Variants in ISG20L2 observed in about 807,000 individuals in gnomAD.
The protein encoded by ISG20L2 is interferon-stimulated 20 kDa exonuclease-like 2.
A neutral mutation model predicts 27.8 loss-of-function variants in ISG20L2; 14 were observed. The ratio of observed to expected loss-of-function variants is 0.50; its 90% CI spans 0.33 to 0.79. The LOEUF is 0.79. Ranked by LOEUF, ISG20L2 falls within the 30% of genes least tolerant of loss-of-function variation. The pLI is 0.02. For synonymous variants in ISG20L2, 157 were observed against 165.7 expected (o/e 0.95, Z 0.40); for missense variants, 393 against 435.1 (o/e 0.90, Z 0.86).
In ISG20L2 at chr1:156,723,187, T is replaced by G; in HGVS notation, c.*162A>C. 1 of 839,704 alleles carries G rather than the reference T, an allele frequency of 1.2e-6. No homozygotes were observed. Among genetic ancestry groups the G allele is most frequent in the South Asian group, 1.7e-5 (1 of 60,240 alleles). The allele number at this position is 839,704 out of a possible 1,614,324, so 52.0% of individuals were successfully genotyped here. On this transcript the variant is annotated 3_prime_UTR_variant, in exon 4 of 4. Transcript: ENST00000368219. ...TTAACCAGACACAGGACACAACACC[T>G]GAGGTGAAATTTCAATGGGTATTAA...
In ISG20L2 at chr1:156,727,696, T is replaced by C. The variant is rs771294160; in HGVS notation, c.-44A>G. On this transcript the variant is annotated 5_prime_UTR_variant, in exon 2 of 4. Coordinates refer to ENST00000368219, the MANE Select transcript of ISG20L2 (RefSeq NM_001370150.2). ...AAGAGTAGTTGGGAAGAGTGGCTTA[T>C]GGATGAAAAGAGGATGTGGGACTCA... 6.3e-7 allele frequency: 1 copy of C among 1,578,794 alleles called. No individual in the cohort carries two copies. The highest frequency in any genetic ancestry group is 2.2e-5 in the East Asian group (1 of 44,684).
intron 2 of ISG20L2, chr1:156,726,005 C>T: frequency 1.0e-6 from 1 of 985,562 alleles, no homozygotes; most frequent in Non-Finnish European, 1.2e-6. Context: ...GTCTCTTGCT[C>T]TCCCTTCACT....
chr1:156,727,593 T>G lies in ISG20L2; in HGVS notation c.60A>C (p.Glu20Asp), dbSNP rs1241590114. The change falls in exon 2 of 4, where the codon GAA (glutamate) becomes GAC (aspartate). Residue 20 changes from glutamate (E) to aspartate (D), a missense_variant. Physicochemically the swap from Glu to Asp is conservative, Grantham distance 45. This residue lies in a region of ISG20L2 where 183 missense variants were observed against 168.2 expected (regional missense o/e 1.09). Coordinates refer to ENST00000368219, the MANE Select transcript of ISG20L2 (RefSeq NM_001370150.2). ...CAAAATTTCGGTGCTTGGCATTTCC[T>G]TCTAATGCCTTTTTGGGAGGAGGTT... is the stretch of plus-strand genomic sequence containing the variant. ...FGEPPPKKAL[E>D]GNAKHRNFVK... 2 of 1,614,176 alleles carry G rather than the reference T, an allele frequency of 1.2e-6. No homozygotes were observed. The highest frequency in any genetic ancestry group is 1.7e-6 in the Non-Finnish European group (2 of 1,180,000).
intron 2 of ISG20L2, 111 bp downstream of exon 2, chr1:156,726,791 TCCTC>T: frequency 1.3e-6 from 2 of 1,494,696 alleles, no homozygotes; most frequent in Non-Finnish European, 1.8e-6. Flanking sequence ...TGATAGATTC[TCCTC>T]CCTCCCTCCA....
chr1:156,728,667 C>T lies in ISG20L2; in HGVS notation c.-370G>A, dbSNP rs1055658956. Reference sequence around the variant, plus strand: ...GATGCGCTCCCCGGCCCCTCTAGCCCCGTGGTGGTACAACGCGAAGGTGTG... The same window carrying T: ...GATGCGCTCCCCGGCCCCTCTAGCCTCGTGGTGGTACAACGCGAAGGTGTG... On this transcript the variant is annotated 5_prime_UTR_variant, in exon 1 of 4. Transcript: ENST00000368219. 30 of 987,560 alleles carry T rather than the reference C, an allele frequency of 3.0e-5. No homozygotes were observed. The highest frequency in any genetic ancestry group is 5.2e-5 in the African/African-American group (3 of 57,274). The allele number at this position is 987,560 out of a possible 1,614,324, so 61.2% of individuals were successfully genotyped here.
intron 2 of ISG20L2, chr1:156,724,577 T>C: frequency 7.6e-7 from 1 of 1,316,572 alleles, no homozygotes; most frequent in Non-Finnish European, 9.7e-7. Flanking sequence ...TGCCAGTGGC[T>C]CCTTACCTTC....
At chr1:156,726,375 C>T in intron 2 of ISG20L2, 2 of 985,410 alleles carry the variant, frequency 2.0e-6, no homozygotes, top group South Asian at 9.4e-5. Flanking sequence ...TGTTATTTTT[C>T]TATGCAGATT....
intron 1 of ISG20L2, 29 bp downstream of exon 1, chr1:156,728,385 CA>C: frequency 1.0e-6 from 1 of 985,676 alleles, no homozygotes; most frequent in Non-Finnish European, 1.2e-6. Context: ...CCCCGCGGTA[CA>C]GATCGATCTC....
chr1:156,727,639 A>C lies in ISG20L2; in HGVS notation c.14T>G (p.Leu5Arg), dbSNP rs1648854692. 1.2e-6 allele frequency: 2 copies of C among 1,612,874 alleles called. No homozygotes were observed. The highest frequency in any genetic ancestry group is 1.1e-5 in the South Asian group (1 of 91,084). The change falls in exon 2 of 4, where the codon CTG becomes CGG. Residue 5 changes from leucine (L) to arginine (R), a missense_variant. Leu to Arg is a moderately radical substitution (Grantham distance 102). Transcript: ENST00000368219. ...AGGTTCCCCAAAATCCAGATTGAGC[A>C]GTAAAGTAGACATAGGGACAATGGA... The part of the protein sequence containing the change: MSTL[L>R]LNLDFGEPPP...
At chr1:156,726,841 C>T in intron 2 of ISG20L2, 65 bp downstream of exon 2, 2 of 1,550,350 alleles carry the variant, frequency 1.3e-6, no homozygotes, top group Non-Finnish European at 1.7e-6. Flanking sequence ...ATATCCTTTG[C>T]TGAAAAATGA....
chr1:156,723,976 T>G, intron 3 of ISG20L2, 172 bp downstream of exon 3: 1 of 1,175,804 alleles, frequency 8.5e-7, no homozygotes, highest in Non-Finnish European at 1.2e-6. Flanking sequence ...CTTTGAAACA[T>G]TCTATGAGGT....
At chr1:156,726,733 C>A (rs1326070635) in intron 2 of ISG20L2, 173 bp downstream of exon 2, 1 of 985,314 alleles carries the variant, frequency 1.0e-6, no homozygotes, top group African/African-American at 1.7e-5. Context: ...ATTGTACCTT[C>A]CTGACTTTCA....
chr1:156,728,650 C>T lies in ISG20L2; in HGVS notation c.-353G>A, dbSNP rs12752666. 3 of 985,722 alleles carry T rather than the reference C, an allele frequency of 3.0e-6. No individual in the cohort carries two copies. The highest frequency in any genetic ancestry group is 2.3e-4 in the East Asian group (2 of 8,814). 61.1% of individuals were successfully genotyped at this position (985,722 alleles called of 1,614,324 possible). A position where few individuals can be genotyped will look rare whatever the true frequency, so the allele number is the denominator to read the frequency against. On this transcript the variant is annotated 5_prime_UTR_variant, in exon 1 of 4. Coordinates refer to ENST00000368219, the MANE Select transcript of ISG20L2 (RefSeq NM_001370150.2). ...GGTGGGGGCGGGGGCGGGATGCGCTCCCCGGCCCCTCTAGCCCCGTGGTGG... is the reference window on the plus strand; with the variant it reads ...GGTGGGGGCGGGGGCGGGATGCGCTTCCCGGCCCCTCTAGCCCCGTGGTGG...
chr1:156,727,784 G>C lies in ISG20L2; in HGVS notation c.-117-15C>G, dbSNP rs1421275608. 6.7e-7 allele frequency: 1 copy of C among 1,486,688 alleles called. No individual in the cohort carries two copies. Among genetic ancestry groups the C allele is most frequent in the Non-Finnish European group, 8.9e-7 (1 of 1,127,854 alleles). 92.1% of individuals were successfully genotyped at this position (1,486,688 alleles called of 1,614,324 possible). A position where few individuals can be genotyped will look rare whatever the true frequency, so the allele number is the denominator to read the frequency against. ...TGTAGTACACCCTGGGGAAGAAAGT[G>C]ATCCTGGTAATTGAGCTCCTAGGCC... is the stretch of plus-strand genomic sequence containing the variant. On this transcript the variant is annotated splice_polypyrimidine_tract_variant and intron_variant, in intron 1 of 3. Transcript: ENST00000368219.
chr1:156,727,007 T>A lies in ISG20L2; in HGVS notation c.646A>T (p.Ile216Phe). Residue 216 changes from isoleucine to phenylalanine, a missense_variant, in exon 2 of 4, where the codon ATT (isoleucine) becomes TTT (phenylalanine). Coordinates refer to ENST00000368219, the MANE Select transcript of ISG20L2 (RefSeq NM_001370150.2). ...YNGDVLYDEY[I>F]LPPCHIVDYR... ...TCCACAATGTGGCAGGGGGGAAGAATGTACTCGTCATAAAGCACATCTCCG... is the reference window on the plus strand; with the variant it reads ...TCCACAATGTGGCAGGGGGGAAGAAAGTACTCGTCATAAAGCACATCTCCG... 1 of 1,614,180 alleles carries A rather than the reference T, an allele frequency of 6.2e-7. No individual in the cohort carries two copies. Among genetic ancestry groups the A allele is most frequent in the Non-Finnish European group, 8.5e-7 (1 of 1,180,028 alleles).
At chr1:156,725,351 C>CT (rs984329648) in intron 2 of ISG20L2, 1 of 152,222 alleles carries the variant, frequency 6.6e-6, no homozygotes, top group African/African-American at 2.4e-5. Flanking sequence ...CCTCAAACTC[C>CT]TGAGTAGCTG....
At chr1:156,726,122 C>A in intron 2 of ISG20L2, 1 of 985,468 alleles carries the variant, frequency 1.0e-6, no homozygotes, top group South Asian at 4.7e-5. Flanking sequence ...CGGCCCTGTG[C>A]CGTTTATGCC....
At chr1:156,725,005 G>C (rs1648689544) in intron 2 of ISG20L2, 1 of 151,812 alleles carries the variant, frequency 6.6e-6, no homozygotes. Flanking sequence ...AGGCTGGAGT[G>C]TACTGGCGCG....
At chr1:156,723,605 G>A (rs1230422445) in intron 3 of ISG20L2, 143 bp from the exon 4 acceptor site, 1 of 1,465,550 alleles carries the variant, frequency 6.8e-7, no homozygotes, top group Admixed American at 2.5e-5. Flanking sequence ...GAATTCTGGT[G>A]GGGTCCTACT....
Sources: gnomAD v4.1 joint callset for allele counts on GRCh38, gnomAD v4.1.1 for gene constraint, gnomAD v4.1.1 regional missense constraint, MANE v1.5 for transcripts, NCBI Gene and HGNC (gene_info 2026-07-23, HGNC 2026-07-21) for gene names.